The following CST4 variants were observed in gnomAD, a reference collection of about 807,000 sequenced individuals.
The protein encoded by CST4 is cystatin S, also known as cystatin-S.
CST4 carries 17 observed loss-of-function variants against 11.2 expected under a neutral mutation model. The observed-to-expected ratio is 1.52, with a 90% CI of 1.04 to 2.27. The LOEUF (loss-of-function observed/expected upper bound fraction) is 2.27. Among genes scored for constraint, CST4 ranks in the 30% most tolerant of loss-of-function variants. CST4 has a pLI of 0.00. For synonymous variants in CST4, 93 were observed against 70.1 expected (o/e 1.33, Z -1.63); for missense variants, 251 against 180.2 (o/e 1.39, Z -2.25).
chr20:23,687,215 A>T lies in CST4; in HGVS notation c.229-14T>A. On this transcript the variant is annotated splice_polypyrimidine_tract_variant and intron_variant, in intron 1 of 2. Coordinates refer to ENST00000217423, the MANE Select transcript of CST4 (RefSeq NM_001899.3). Reference sequence around the variant, plus strand: ...CCCCCCAAAGGTCTGCACACAGGAGAAAACAGGAAGCACGGACAGCGCCCC... The same window carrying T: ...CCCCCCAAAGGTCTGCACACAGGAGTAAACAGGAAGCACGGACAGCGCCCC... The T allele has an allele frequency of 6.2e-7, 1 of 1,613,728 alleles. No homozygotes were observed. The highest frequency in any genetic ancestry group is 8.5e-7 in the Non-Finnish European group (1 of 1,179,984).
In CST4 at chr20:23,685,818, C is replaced by T; in HGVS notation, c.*76G>A. ...GGGGAGGCCTCCCGCAGGGTGGGGGCCACCAGTCCAGGGGTGGGAGCACTA... is the reference window on the plus strand; with the variant it reads ...GGGGAGGCCTCCCGCAGGGTGGGGGTCACCAGTCCAGGGGTGGGAGCACTA... On this transcript the variant is annotated 3_prime_UTR_variant, in exon 3 of 3. Coordinates refer to ENST00000217423, the MANE Select transcript of CST4 (RefSeq NM_001899.3). 1.3e-6 allele frequency: 2 copies of T among 1,511,606 alleles called. No individual in the cohort carries two copies. Among genetic ancestry groups the T allele is most frequent in the Non-Finnish European group, 1.8e-6 (2 of 1,093,018 alleles). 93.6% of individuals were successfully genotyped at this position (1,511,606 alleles called of 1,614,324 possible). A position where few individuals can be genotyped will look rare whatever the true frequency, so the allele number is the denominator to read the frequency against.
At position 23,685,923 on chromosome 20, in the gene CST4, G is replaced by A; in HGVS notation, c.397C>T (p.Leu133=). ...YEVPWEDRMS[L]VNSRCQEA is the part of the protein sequence containing the mutation. ...GCTTCTTGACACCTGGAATTCACCAGGGACATTCTGTCCTCCCAGGGAACT... is the reference window on the plus strand; with the variant it reads ...GCTTCTTGACACCTGGAATTCACCAAGGACATTCTGTCCTCCCAGGGAACT... Residue 133 remains leucine (L), a synonymous_variant, in exon 3 of 3, where the codon CTG becomes TTG. Coordinates refer to ENST00000217423, the MANE Select transcript of CST4 (RefSeq NM_001899.3). The A allele has an allele frequency of 1.9e-6, 3 of 1,614,100 alleles. No homozygotes were observed. The highest frequency in any genetic ancestry group is 1.7e-4 in the Middle Eastern group (1 of 6,060).
At position 23,685,801 on chromosome 20, in the gene CST4, C is replaced by G; in HGVS notation, c.*93G>C. On this transcript the variant is annotated 3_prime_UTR_variant, in exon 3 of 3. Coordinates refer to ENST00000217423, the MANE Select transcript of CST4 (RefSeq NM_001899.3). ...TCTTGGCACAGGCACATGGGGAGGC[C>G]TCCCGCAGGGTGGGGGCCACCAGTC... The G allele has an allele frequency of 7.3e-7, 1 of 1,369,564 alleles. No individual in the cohort carries two copies. Among genetic ancestry groups the G allele is most frequent in the South Asian group, 1.2e-5 (1 of 81,204 alleles). 84.8% of individuals were successfully genotyped at this position (1,369,564 alleles called of 1,614,324 possible).
intron 2 of CST4, among the ~76,000 whole-genome samples, chr20:23,686,489 G>C (rs968466595): frequency 6.6e-6 from 1 of 152,120 alleles, no homozygotes; most frequent in African/African-American, 2.4e-5. Flanking sequence ...TGGGTGAGCC[G>C]GGCAGGTCCA....
chr20:23,686,414 G>C (rs1443694131), intron 2 of CST4, among the ~76,000 whole-genome samples: 1 of 152,152 alleles, frequency 6.6e-6, no homozygotes, highest in Non-Finnish European at 1.5e-5. Flanking sequence ...GGCAACAAGG[G>C]GAGTGCCGCT....
intron 1 of CST4, among the ~76,000 whole-genome samples, chr20:23,688,337 C>G (rs1389563123): frequency 6.6e-6 from 1 of 152,210 alleles, no homozygotes; most frequent in Non-Finnish European, 1.5e-5. Flanking sequence ...AAGAAGGGCT[C>G]TGCAGAACAG....
chr20:23,688,382 A>G (rs1282321734), intron 1 of CST4, among the ~76,000 whole-genome samples: 1 of 152,114 alleles, frequency 6.6e-6, no homozygotes, highest in East Asian at 1.9e-4. Context: ...TGAGGAGAGG[A>G]CTCAGGGAGG....
At chr20:23,688,153 G>A (rs1981106806) in intron 1 of CST4, among the ~76,000 whole-genome samples, 1 of 152,212 alleles carries the variant, frequency 6.6e-6, no homozygotes, top group Non-Finnish European at 1.5e-5. Flanking sequence ...CTGGGTGACT[G>A]CTGTCCTCAT....
At chr20:23,688,140 CT>C (rs1181183759) in intron 1 of CST4, among the ~76,000 whole-genome samples, 3 of 152,244 alleles carry the variant, frequency 2.0e-5, no homozygotes, top group Non-Finnish European at 4.4e-5. Context: ...CTCCTCTGCT[CT>C]GCTGGGTGAC....
At chr20:23,686,054 A>G in intron 2 of CST4, 77 bp from the exon 3 acceptor site, 1 of 1,436,780 alleles carries the variant, frequency 7.0e-7, no homozygotes. Context: ...GAGATGTCAC[A>G]GCCTGGGTGA....
At chr20:23,688,204 G>T (rs887990825) in intron 1 of CST4, among the ~76,000 whole-genome samples, 1 of 152,230 alleles carries the variant, frequency 6.6e-6, no homozygotes, top group East Asian at 1.9e-4. Flanking sequence ...TAGAGGCAGG[G>T]CCAGGCGTGC....
intron 2 of CST4, among the ~76,000 whole-genome samples, chr20:23,686,375 C>T (rs1170224013): frequency 1.3e-5 from 2 of 152,130 alleles, no homozygotes; most frequent in African/African-American, 4.8e-5. Context: ...AGGGCAACTC[C>T]CCCTCAAAGA....
chr20:23,687,160 G>T lies in CST4; in HGVS notation c.270C>A (p.Gly90=), dbSNP rs755955930. The T allele has an allele frequency of 7.6e-5, 122 of 1,613,972 alleles. No homozygotes were observed. The highest frequency in any genetic ancestry group is 1.0e-4 in the Non-Finnish European group (119 of 1,180,030). Residue 90 remains glycine (G), a synonymous_variant, in exon 2 of 3, where the codon GGC becomes GGA. Coordinates refer to ENST00000217423, the MANE Select transcript of CST4 (RefSeq NM_001899.3). Reference sequence around the variant, plus strand: ...GCTGGGACTTGGTACATATGGTGCGGCCCACCTCTACGTCGAAGAAGTAAT... The same window carrying T: ...GCTGGGACTTGGTACATATGGTGCGTCCCACCTCTACGTCGAAGAAGTAAT... ...GVNYFFDVEV[G]RTICTKSQPN...
At chr20:23,688,392 G>C (rs1219566153) in intron 1 of CST4, among the ~76,000 whole-genome samples, 2 of 152,202 alleles carry the variant, frequency 1.3e-5, no homozygotes. Flanking sequence ...ACTCAGGGAG[G>C]AGAATGAGCC....
chr20:23,686,163 G>T (rs1196046675), intron 2 of CST4, among the ~76,000 whole-genome samples, 186 bp from the exon 3 acceptor site: 1 of 152,104 alleles, frequency 6.6e-6, no homozygotes, highest in East Asian at 1.9e-4. Flanking sequence ...CCCTCCCAAG[G>T]CTCCAAGTCA....
chr20:23,688,755 C>T lies in CST4; in HGVS notation c.215G>A (p.Arg72Gln), dbSNP rs745520115. The T allele has an allele frequency of 4.3e-5, 70 of 1,614,080 alleles. No homozygotes were observed. The Middle Eastern group carries it at 6.6e-4, about 15-fold the overall frequency. ...EYYRRPLQVL[R>Q]AREQTFGGVN... is the part of the protein sequence containing the mutation. The stretch of plus-strand genomic sequence containing the variant: ...GGCAGCACCCACCTGCTCCCTGGCT[C>T]GCAGCACCTGCAGCGGGCGTCTGTA... Residue 72 changes from arginine to glutamine, a missense_variant, in exon 1 of 3, where the codon CGA becomes CAA. Physicochemically the swap from Arg to Gln is conservative, Grantham distance 43 (BLOSUM62 1). Coordinates refer to ENST00000217423, the MANE Select transcript of CST4 (RefSeq NM_001899.3).
chr20:23,686,303 G>A (rs1021384497), intron 2 of CST4, among the ~76,000 whole-genome samples: 1 of 152,126 alleles, frequency 6.6e-6, no homozygotes, highest in Non-Finnish European at 1.5e-5. Context: ...AGTTCCCCCA[G>A]CTCCTTCCAC....
At chr20:23,686,648 A>G (rs1211546833) in intron 2 of CST4, among the ~76,000 whole-genome samples, 1 of 152,074 alleles carries the variant, frequency 6.6e-6, no homozygotes, top group Non-Finnish European at 1.5e-5. Flanking sequence ...AACAGGCAAC[A>G]CCCCAAAGCA....
intron 1 of CST4, among the ~76,000 whole-genome samples, chr20:23,688,087 C>T (rs1382761692): frequency 6.6e-6 from 1 of 152,228 alleles, no homozygotes; most frequent in Admixed American, 6.5e-5. Flanking sequence ...GCAGGTCAAG[C>T]TGGGCCCAGT....
Sources: gnomAD v4.1 joint callset for allele counts (sites outside exome capture counted in the v4.1 genomes callset) on GRCh38, gnomAD v4.1.1 for gene constraint, MANE v1.5 for transcripts, NCBI Gene and HGNC (gene_info 2026-07-23, HGNC 2026-07-21) for gene names.